Variants in SPMAP2L observed in about 807,000 individuals in gnomAD.
SPMAP2L encodes the protein sperm microtubule associated protein 2 like.
At chr4:56,594,888 G>C in the SPMAP2L span, 1 of 1,611,008 alleles carries the variant, frequency 6.2e-7, no homozygotes, top group Non-Finnish European at 8.5e-7. Flanking sequence ...GGAGACTTTG[G>C]GTCTGATGTC....
chr4:56,535,173 T>C, the SPMAP2L span, among the ~76,000 whole-genome samples: 1 of 152,350 alleles, frequency 6.6e-6, no homozygotes, highest in East Asian at 1.9e-4. Flanking sequence ...TATGGCCATT[T>C]CTTAACATTT....
At chr4:56,614,915 A>C in the SPMAP2L span, among the ~76,000 whole-genome samples, 8 of 152,316 alleles carry the variant, frequency 5.3e-5, no homozygotes, top group Admixed American at 5.2e-4. Flanking sequence ...GTACCTTATT[A>C]ATCCTTATCA....
At chr4:56,594,767 G>A in the SPMAP2L span, 53 of 1,510,736 alleles carry the variant, frequency 3.5e-5, no homozygotes, top group Non-Finnish European at 4.8e-5. Context: ...ATCCACCAAT[G>A]GGGTGTTTGA....
chr4:56,603,518 G>A, the SPMAP2L span: 14 of 453,782 alleles, frequency 3.1e-5, no homozygotes, highest in African/African-American at 2.5e-4. Context: ...ATCTTTAGCA[G>A]ATTTGAGGAC....
At chr4:56,610,863 A>T in the SPMAP2L span, among the ~76,000 whole-genome samples, 62 of 152,362 alleles carry the variant, frequency 4.1e-4, no homozygotes, top group Admixed American at 1.2e-3. Flanking sequence ...ATCACTAATG[A>T]TGAGGGAAAT....
the SPMAP2L span, among the ~76,000 whole-genome samples, chr4:56,607,105 G>A: frequency 2.1e-4 from 32 of 152,142 alleles, no homozygotes; most frequent in Non-Finnish European, 3.2e-4. Context: ...TGGTTTGAAT[G>A]TTTGTGTCCT....
At chr4:56,614,679 C>G in the SPMAP2L span, among the ~76,000 whole-genome samples, 7 of 152,046 alleles carry the variant, frequency 4.6e-5, no homozygotes, top group African/African-American at 1.7e-4. Context: ...TCTGATCTTG[C>G]CTCCAGCATG....
the SPMAP2L span, among the ~76,000 whole-genome samples, chr4:56,547,172 T>C: frequency 0.023 from 3,523 of 152,250 alleles, 135 homozygotes; most frequent in African/African-American, 0.075. Flanking sequence ...ATCTACCATA[T>C]GCAAGATGCT....
chr4:56,600,009 A>G, the SPMAP2L span, among the ~76,000 whole-genome samples: 2 of 151,854 alleles, frequency 1.3e-5, no homozygotes, highest in Admixed American at 6.6e-5. Context: ...AGGAAACAAC[A>G]GATGCTGGCA....
chr4:56,552,564 G>A, the SPMAP2L span: 3 of 1,523,080 alleles, frequency 2.0e-6, no homozygotes, highest in Non-Finnish European at 1.8e-6. Flanking sequence ...CTTCTAGGAA[G>A]AGAACCCCAA....
the SPMAP2L span, among the ~76,000 whole-genome samples, chr4:56,558,902 T>C: frequency 3.3e-5 from 5 of 152,132 alleles, no homozygotes; most frequent in Non-Finnish European, 7.4e-5. Flanking sequence ...CCTCTTTGAC[T>C]TCTATTACAT....
the SPMAP2L span, among the ~76,000 whole-genome samples, chr4:56,611,341 G>A: frequency 5.3e-5 from 8 of 152,094 alleles, no homozygotes; most frequent in African/African-American, 1.9e-4. Flanking sequence ...ACTGAGGAAT[G>A]GAGTGTATGT....
At chr4:56,589,748 T>C in the SPMAP2L span, among the ~76,000 whole-genome samples, 1 of 150,100 alleles carries the variant, frequency 6.7e-6, no homozygotes, top group African/African-American at 2.5e-5. Flanking sequence ...GTGGGGGGGT[T>C]TTGTTTTTTT....
chr4:56,601,231 C>A, the SPMAP2L span: 1 of 975,164 alleles, frequency 1.0e-6, no homozygotes, highest in Non-Finnish European at 1.5e-6. Flanking sequence ...TCCAAAACAT[C>A]TTACTTAACG....
the SPMAP2L span, chr4:56,593,695 A>G: frequency 1.9e-6 from 3 of 1,600,180 alleles, no homozygotes; most frequent in Non-Finnish European, 1.7e-6. Flanking sequence ...TGATGCCTGG[A>G]AGAATGGTGG....
chr4:56,543,895 A>AGTGTGTGTGT, the SPMAP2L span, among the ~76,000 whole-genome samples: 1 of 109,416 alleles, frequency 9.1e-6, no homozygotes, highest in African/African-American at 3.7e-5. Context: ...AGAGAGAGAG[A>AGTGTGTGTGT]GTGTGTGTGT....
At chr4:56,548,018 T>A in the SPMAP2L span, among the ~76,000 whole-genome samples, 8 of 152,192 alleles carry the variant, frequency 5.3e-5, no homozygotes, top group Non-Finnish European at 1.2e-4. Flanking sequence ...ATAAATAGAA[T>A]TGGACTAAGA....
the SPMAP2L span, among the ~76,000 whole-genome samples, chr4:56,543,945 AGAGAGT>A: frequency 1.1e-4 from 15 of 132,930 alleles, no homozygotes; most frequent in Non-Finnish European, 1.4e-4. Context: ...AGAGAGAGAG[AGAGAGT>A]GTGTGTGTGT....
At chr4:56,593,145 C>CA in the SPMAP2L span, 2 of 1,572,956 alleles carry the variant, frequency 1.3e-6, no homozygotes, top group Non-Finnish European at 8.7e-7. Context: ...CAGTATACTC[C>CA]ATACCAGCCT....
Sources: gnomAD v4.1 joint callset for allele counts (sites outside exome capture counted in the v4.1 genomes callset) on GRCh38, gnomAD v4.1.1 for gene constraint, MANE v1.5 for transcripts, NCBI Gene and HGNC (gene_info 2026-07-23, HGNC 2026-07-21) for gene names.